The following NUP210L variants were observed in gnomAD, a reference collection of about 807,000 sequenced individuals.
NUP210L encodes nuclear pore membrane glycoprotein 210-like.
A neutral mutation model predicts 208.5 loss-of-function variants in NUP210L; 74 were observed. The observed-to-expected ratio is 0.35, with a 90% CI of 0.29 to 0.43. The LOEUF (loss-of-function observed/expected upper bound fraction) is 0.43, where lower values mean the gene tolerates loss of function less well. Among genes scored for constraint, NUP210L ranks in the 20% least tolerant of loss-of-function variants. NUP210L has a pLI of 1.00. For missense variants in NUP210L, 1,843 were observed against 2,289.4 expected (o/e 0.81, Z 3.98); for synonymous variants, 780 against 816.9 (o/e 0.95, Z 0.77).
At chr1:154,100,787 G>A (rs909718341) in intron 13 of NUP210L, among the ~76,000 whole-genome samples, 3 of 151,054 alleles carry the variant, frequency 2.0e-5, no homozygotes, top group Admixed American at 6.6e-5. Context: ...CAAAATGCTG[G>A]GATTACAAGC....
intron 12 of NUP210L, chr1:154,104,459 C>T (rs1031971225): frequency 6.6e-6 from 3 of 451,508 alleles, no homozygotes; most frequent in Non-Finnish European, 1.2e-5. Context: ...TCTAGAATTG[C>T]CAACATCACC....
chr1:154,104,434 G>C (rs1000551726), intron 12 of NUP210L: 2 of 523,208 alleles, frequency 3.8e-6, no homozygotes, highest in Non-Finnish European at 6.9e-6. Context: ...AGCCACTGAA[G>C]GGGCAAGAAA....
intron 25 of NUP210L, among the ~76,000 whole-genome samples, chr1:154,051,680 C>T (rs190423245): frequency 6.6e-6 from 1 of 152,220 alleles, no homozygotes; most frequent in African/African-American, 2.4e-5. Context: ...AAAACTAATT[C>T]TCTTTGGAAA....
chr1:154,012,095 G>T, intron 34 of NUP210L, 149 bp downstream of exon 34: 1 of 692,918 alleles, frequency 1.4e-6, no homozygotes. Flanking sequence ...AATTTCTGAG[G>T]TCTCATAGAG....
chr1:154,014,290 G>A (rs1041032243), intron 33 of NUP210L, among the ~76,000 whole-genome samples: 2 of 152,024 alleles, frequency 1.3e-5, no homozygotes, highest in African/African-American at 2.4e-5. Context: ...ATGAGGATTC[G>A]ATGAAGTACA....
At chr1:154,087,317 T>C (rs564470220) in intron 16 of NUP210L, among the ~76,000 whole-genome samples, 1,812 of 98,532 alleles carry the variant, frequency 0.018, 41 homozygotes, top group African/African-American at 0.076. Context: ...TGAAGCTCCA[T>C]CTCAAAAAAA....
chr1:154,023,144 G>C, exon 31 of NUP210L: 1 of 1,613,870 alleles, frequency 6.2e-7, no homozygotes, highest in African/African-American at 1.3e-5. Context: ...AGATAAAGCT[G>C]GGTATTGTGT....
chr1:154,120,266 G>A (rs1571297252), intron 10 of NUP210L, among the ~76,000 whole-genome samples: 1 of 152,166 alleles, frequency 6.6e-6, no homozygotes, highest in Middle Eastern at 3.4e-3. Context: ...ATTTGTTTGA[G>A]TTCTTTGTAG....
intron 2 of NUP210L, among the ~76,000 whole-genome samples, chr1:154,144,048 G>C (rs1250441998): frequency 1.3e-5 from 2 of 152,058 alleles, no homozygotes; most frequent in Non-Finnish European, 2.9e-5. Context: ...CTGGAGTGGT[G>C]GCGGGCACCT....
chr1:153,992,716 A>G, exon 40 of NUP210L: 1 of 707,296 alleles, frequency 1.4e-6, no homozygotes, highest in Non-Finnish European at 2.4e-6. Context: ...AGGATGCTTT[A>G]TTTATAGTTC....
At chr1:154,078,594 C>CA (rs1168583884) in intron 16 of NUP210L, among the ~76,000 whole-genome samples, 6,371 of 97,278 alleles carry the variant, frequency 0.065, 192 homozygotes, top group African/African-American at 0.11. Context: ...GAATCTGTCT[C>CA]AAAAAAAAAA....
At chr1:154,033,389 T>G (rs892519026) in intron 27 of NUP210L, among the ~76,000 whole-genome samples, 5 of 152,224 alleles carry the variant, frequency 3.3e-5, no homozygotes, top group African/African-American at 1.2e-4. Flanking sequence ...AGGTCTCAGA[T>G]TTAAGTCTTT....
intron 10 of NUP210L, among the ~76,000 whole-genome samples, chr1:154,122,629 T>C (rs1370043628): frequency 6.6e-6 from 1 of 152,100 alleles, no homozygotes; most frequent in East Asian, 1.9e-4. Flanking sequence ...CACTCTAGTC[T>C]GGGAAACAGA....
chr1:154,144,860 T>C (rs1435145957), intron 2 of NUP210L, among the ~76,000 whole-genome samples: 3 of 152,106 alleles, frequency 2.0e-5, no homozygotes, highest in Admixed American at 6.6e-5. Context: ...TCCCACCACG[T>C]TGGGAGGCTG....
chr1:154,060,213 C>T (rs988941840), intron 20 of NUP210L, among the ~76,000 whole-genome samples: 1 of 151,992 alleles, frequency 6.6e-6, no homozygotes, highest in African/African-American at 2.4e-5. Context: ...CACTCCAGCC[C>T]AGGCAACAGA....
chr1:153,995,546 C>G (rs940844264), intron 37 of NUP210L: 3 of 659,260 alleles, frequency 4.6e-6, no homozygotes, highest in Non-Finnish European at 8.4e-6. Context: ...TCTTAGATTT[C>G]AAAGGATGCT....
chr1:154,135,755 C>T, intron 7 of NUP210L, 59 bp downstream of exon 7: 1 of 1,427,414 alleles, frequency 7.0e-7, no homozygotes. Flanking sequence ...TACCAAAGAA[C>T]ATGTCTAGGA....
At chr1:154,111,192 G>A (rs747236104) in intron 12 of NUP210L, among the ~76,000 whole-genome samples, 8 of 151,276 alleles carry the variant, frequency 5.3e-5, no homozygotes, top group Non-Finnish European at 7.4e-5. Context: ...AGACCAGCCC[G>A]GCCTACATGG....
At chr1:154,146,912 C>T (rs1410393543) in intron 2 of NUP210L, among the ~76,000 whole-genome samples, 1 of 152,132 alleles carries the variant, frequency 6.6e-6, no homozygotes, top group Admixed American at 6.6e-5. Context: ...CAGCCTCGAA[C>T]TCCTGGGCTC....
Sources: allele counts gnomAD v4.1 joint callset (sites outside exome capture counted in the v4.1 genomes callset), GRCh38; gene constraint gnomAD v4.1.1; transcripts MANE v1.5; gene names NCBI Gene and HGNC (gene_info 2026-07-23, HGNC 2026-07-21).